Variants in MICAL1 observed in about 807,000 individuals in gnomAD.
MICAL1 encodes the protein microtubule associated monooxygenase, calponin and LIM domain containing 1, also known as [F-actin]-monooxygenase MICAL1.
MICAL1 carries 95 observed loss-of-function variants against 131.8 expected under a neutral mutation model. That is an observed-to-expected ratio of 0.72 (90% CI 0.61 to 0.86). The LOEUF is 0.86. MICAL1 is among the 40% of genes least tolerant of loss of function. The pLI, the probability that MICAL1 is intolerant of heterozygous loss-of-function variation, is 0.00. For missense variants in MICAL1, 1,292 were observed against 1,380.6 expected, an observed-to-expected ratio of 0.94 and a Z score of 1.02; for synonymous variants, 546 against 554.2, an observed-to-expected ratio of 0.99 and a Z score of 0.21.
At chr6:109,459,243 CA>C, upstream of MICAL1, among the ~76,000 whole-genome samples, 1 of 152,316 alleles carries the variant, frequency 6.6e-6, no homozygotes, top group East Asian at 1.9e-4. Context: ...TCCATTCATT[CA>C]GCAAGGCACT....
intron 8 of MICAL1, 61 bp downstream of exon 8, chr6:109,450,232 TCCCCTCC>T: frequency 6.4e-7 from 1 of 1,570,550 alleles, no homozygotes; most frequent in African/African-American, 1.3e-5. Flanking sequence ...GACCTTTTTA[TCCCCTCC>T]TCCATACTAG....
chr6:109,452,466 G>A (rs1327476932), intron 5 of MICAL1, 45 bp downstream of exon 5: 1 of 1,611,846 alleles, frequency 6.2e-7, no homozygotes, highest in Non-Finnish European at 8.5e-7. Flanking sequence ...AAAGGCCCAG[G>A]ATGTGCCAGA....
At chr6:109,459,113 T>C (rs188536751), upstream of MICAL1, among the ~76,000 whole-genome samples, 57 of 152,204 alleles carry the variant, frequency 3.7e-4, no homozygotes, top group Admixed American at 3.6e-3. Context: ...GAAATGAGAA[T>C]GGGGAAGAGG....
intron 15 of MICAL1, 47 bp downstream of exon 15, chr6:109,447,634 G>T: frequency 6.2e-7 from 1 of 1,613,088 alleles, no homozygotes; most frequent in Non-Finnish European, 8.5e-7. Flanking sequence ...CCAGGAAAGG[G>T]GATAAAATGT....
chr6:109,447,761 AG>A, intron 14 of MICAL1, 39 bp from the exon 15 acceptor site: 1 of 1,613,834 alleles, frequency 6.2e-7, no homozygotes, highest in Non-Finnish European at 8.5e-7. Context: ...TGATGTTTTG[AG>A]GTCCCAGTCC....
In MICAL1 at chr6:109,449,692, G is replaced by T; in HGVS notation, c.1399C>A (p.Pro467Thr). 6.3e-7 allele frequency: 1 copy of T among 1,587,044 alleles called. No homozygotes were observed. ...QYGLDPATRY[P>T]NLNLRAVTPN... ...GTCACTGCCCGGAGGTTCAGGTTGGGGTAGCGGGTGGCTGGGTCCAGCCCA... is the reference window on the plus strand; with the variant it reads ...GTCACTGCCCGGAGGTTCAGGTTGGTGTAGCGGGTGGCTGGGTCCAGCCCA... The change falls in exon 10 of 25, where the codon CCC becomes ACC. Residue 467 changes from proline to threonine, a missense_variant. Transcript: ENST00000358807.
At chr6:109,445,712 G>A (rs1284710361) in intron 20 of MICAL1, 59 bp downstream of exon 20, 4 of 1,566,290 alleles carry the variant, frequency 2.6e-6, no homozygotes, top group South Asian at 1.2e-5. Context: ...GTGGACCAGT[G>A]CAGGTTTCTC....
rs372475703 is a variant in MICAL1, at chr6:109,444,924, C to T, written c.2953G>A (p.Val985Met). ...LQLVDKKNSL[V>M]AEEAELMITV... Reference sequence around the variant, plus strand: ...ATCATGAGCTCGGCCTCCTCAGCCACCAGGCTGTTTTTCTTGTCAACGAGC... The same window carrying T: ...ATCATGAGCTCGGCCTCCTCAGCCATCAGGCTGTTTTTCTTGTCAACGAGC... Residue 985 changes from valine to methionine, a missense_variant, in exon 23 of 25, where the codon GTG (valine) becomes ATG (methionine). Transcript: ENST00000358807. 23 of 1,614,044 alleles carry T rather than the reference C, an allele frequency of 1.4e-5. No individual in the cohort carries two copies. The highest frequency in any genetic ancestry group is 1.9e-5 in the Non-Finnish European group (22 of 1,180,032).
At position 109,451,894 on chromosome 6, in the gene MICAL1, G is replaced by C. The variant is rs191213066; in HGVS notation, c.833-194C>G. ...CAGGCCCAGGAGGCCTGAGGACTTA[G>C]AGCAAAGAGGGAAGCTTGGAGGGGG... is the stretch of plus-strand genomic sequence containing the variant. On this transcript the variant is annotated intron_variant, in intron 6 of 24. Transcript: ENST00000358807. 1.4e-3 allele frequency: 1,996 copies of C among 1,397,474 alleles called. 6 individuals carry two copies. The highest frequency in any genetic ancestry group is 1.5e-3 in the Non-Finnish European group (1,571 of 1,078,508). The allele number at this position is 1,397,474 out of a possible 1,614,324, so 86.6% of individuals were successfully genotyped here.
chr6:109,448,875 C>T lies in MICAL1; in HGVS notation c.1521G>A (p.Ser507=), dbSNP rs375751590. Residue 507 remains serine (S), a synonymous_variant, in exon 12 of 25, where the codon TCG becomes TCA. Transcript: ENST00000358807. ...GTAGCAGCTCCTCCTGGGTGCCTGC[C>T]GACCCTGGGAAAGAAGGCTGTGCTG... ...KTDTGMPATG[S]AGTQEELLRW... is the part of the protein sequence containing the mutation. The T allele has an allele frequency of 3.2e-5, 52 of 1,613,226 alleles. No individual in the cohort carries two copies. The highest frequency in any genetic ancestry group is 2.2e-4 in the East Asian group (10 of 44,872).
rs137916380 is a variant in MICAL1 at position 109,447,888 on chromosome 6, C to A, written c.1931G>T (p.Arg644Leu). 67 of 1,613,208 alleles carry A rather than the reference C, an allele frequency of 4.2e-5. No homozygotes were observed. The highest frequency in any genetic ancestry group is 1.7e-4 in the Admixed American group (10 of 59,932). The change falls in exon 14 of 25, where the codon CGA (arginine) becomes CTA (leucine). Residue 644 changes from arginine to leucine, a missense_variant. Physicochemically the swap from Arg to Leu is moderately radical, Grantham distance 102. Transcript: ENST00000358807. The stretch of plus-strand genomic sequence containing the variant: ...TAAACTCTCCACCTTGGCCCGGGAT[C>A]GCTGCAGGGTCCTCTGAAGTTTACT... ...FLSKLQRTLQ[R>L]SRAKENAEDA...
chr6:109,451,686 TC>T lies in MICAL1; in HGVS notation c.846del (p.Asn283ThrfsTer13). Reference sequence around the variant, plus strand: ...GTGTCGTCCTTGTAGTACACAATGTTCTCCAGATCAATGCCTGGGGGTACAG... The same window carrying T: ...GTGTCGTCCTTGTAGTACACAATGTTTCCAGATCAATGCCTGGGGGTACAG... Reference protein sequence around the residue: ...SLLKATGIDLENIVYYKDDTH... With the variant: ...SLLKATGIDLXNIVYYKDDTH... On this transcript the variant is annotated frameshift_variant, in exon 7 of 25. Coordinates refer to ENST00000358807, the MANE Select transcript of MICAL1 (RefSeq NM_022765.4). LOFTEE classifies it high-confidence loss of function. 6.2e-7 allele frequency: 1 copy of T among 1,613,922 alleles called. No individual in the cohort carries two copies. Among genetic ancestry groups the T allele is most frequent in the South Asian group, 1.1e-5 (1 of 91,072 alleles).
At chr6:109,463,323 G>T (rs888239180) in intron 1 of MICAL1, 1 of 152,204 alleles carries the variant, frequency 6.6e-6, no homozygotes, top group Non-Finnish European at 1.5e-5. Context: ...GAATGTATAT[G>T]TGGGACAAAG....
Position 109,445,788 on chromosome 6 carries a change from C to G in MICAL1, c.2656G>C (p.Asp886His). Residue 886 changes from aspartate (D) to histidine (H), a missense_variant, in exon 20 of 25, where the codon GAC (aspartate) becomes CAC (histidine). Physicochemically the swap from Asp to His is moderately conservative, Grantham distance 81. Coordinates refer to ENST00000358807, the MANE Select transcript of MICAL1 (RefSeq NM_022765.4). ...CCACTCACCTGTTCCACATCTGAGT[C>G]CAAAGGCACATCTTCTTCTTCCTCT... The part of the protein sequence containing the change: ...SEEEEEDVPL[D>H]SDVEQALQTF... 3.7e-6 allele frequency: 6 copies of G among 1,611,600 alleles called. No individual in the cohort carries two copies. Among genetic ancestry groups the G allele is most frequent in the Non-Finnish European group, 4.2e-6 (5 of 1,179,064 alleles).
At chr6:109,445,126 C>T (rs1043595382) in intron 22 of MICAL1, 71 bp downstream of exon 22, 2 of 1,587,648 alleles carry the variant, frequency 1.3e-6, no homozygotes, top group Non-Finnish European at 8.6e-7. Flanking sequence ...GCCACTGGGA[C>T]TCCTACGGGC....
rs1329659408 is a variant in MICAL1, at chr6:109,453,283, A to G, written c.551T>C (p.Leu184Pro). ...CTTACCCTTCCTAGGAGGGGGCTGG[A>G]GGCCAGTGAAAGTGACACCCCAGTG... Reference protein sequence around the residue: ...EIHWGVTFTGLQPPPRKGSGW... With the variant: ...EIHWGVTFTGPQPPPRKGSGW... Residue 184 changes from leucine (L) to proline (P), a missense_variant, in exon 4 of 25, where the codon CTC becomes CCC. Leu to Pro is a moderately conservative substitution (Grantham distance 98, BLOSUM62 -3). Coordinates refer to ENST00000358807, the MANE Select transcript of MICAL1 (RefSeq NM_022765.4). 6.2e-7 allele frequency: 1 copy of G among 1,613,920 alleles called. No homozygotes were observed.
rs371165160 is a variant in MICAL1 at position 109,444,828 on chromosome 6, G to A, written c.2982-30C>T. On this transcript the variant is annotated intron_variant, in intron 23 of 24. Coordinates refer to ENST00000358807, the MANE Select transcript of MICAL1 (RefSeq NM_022765.4). ...GGAGGTCAGGGATTGTAGAAGCAGA[G>A]CTGTCTAAGGTGCCCAAGGGGCTGG... is the stretch of plus-strand genomic sequence containing the variant. 2.5e-5 allele frequency: 40 copies of A among 1,614,128 alleles called. No individual in the cohort carries two copies. The African/African-American group carries it at 3.7e-4, about 15-fold the overall frequency.
chr6:109,453,819 G>A lies in MICAL1; in HGVS notation c.285C>T (p.Cys95=), dbSNP rs147861991. The change falls in exon 3 of 25, where the codon TGC becomes TGT. Residue 95 remains cysteine (C), a synonymous_variant. Transcript: ENST00000358807. ...CCAGCTCCACAGCGACCCGCAGCCC[G>A]CAAGGTCCAGCACCCACCACCAGGC... ...TKCLVVGAGP[C]GLRVAVELAL... is the part of the protein sequence containing the mutation. The A allele has an allele frequency of 1.6e-4, 258 of 1,613,412 alleles. No individual in the cohort carries two copies. The highest frequency in any genetic ancestry group is 3.2e-4 in the African/African-American group (24 of 75,068).
At chr6:109,456,330 G>C (rs1373439603), upstream of MICAL1, among the ~76,000 whole-genome samples, 1 of 152,198 alleles carries the variant, frequency 6.6e-6, no homozygotes, top group African/African-American at 2.4e-5. Context: ...GCTCTCCTCC[G>C]GTCTCCCACC....
Sources: gnomAD v4.1 joint callset for allele counts (sites outside exome capture counted in the v4.1 genomes callset) on GRCh38, gnomAD v4.1.1 for gene constraint, MANE v1.5 for transcripts, NCBI Gene and HGNC (gene_info 2026-07-23, HGNC 2026-07-21) for gene names.